GPHN: variants seen among roughly 807,000 people sequenced by gnomAD.
GPHN encodes the protein gephyrin.
Under a neutral mutation model 95.5 loss-of-function variants are expected in GPHN, and 17 were observed. That is an observed-to-expected ratio of 0.18 (90% CI 0.12 to 0.27). GPHN has a LOEUF of 0.27. GPHN is among the 10% of genes least tolerant of loss of function. The pLI is 1.00. For missense variants in GPHN, 660 were observed against 978.1 expected, an observed-to-expected ratio of 0.67 and a Z score of 4.34; for synonymous variants, 320 against 322.5, an observed-to-expected ratio of 0.99 and a Z score of 0.08.
chr14:66,535,671 G>A (rs772215466), intron 1 of GPHN, among the ~76,000 whole-genome samples: 81 of 152,106 alleles, frequency 5.3e-4, no homozygotes, highest in Middle Eastern at 6.8e-3. Context: ...TAGAGGTTTC[G>A]CATATCATTT....
chr14:67,733,823 A>G, the GPHN span: 1 of 1,612,972 alleles, frequency 6.2e-7, no homozygotes, highest in South Asian at 1.1e-5. Context: ...GTCAGCTGTG[A>G]GCTTCTAGGA....
At chr14:66,971,523 A>AAG (rs2069777469) in intron 9 of GPHN, among the ~76,000 whole-genome samples, 1 of 152,214 alleles carries the variant, frequency 6.6e-6, no homozygotes, top group South Asian at 2.1e-4. Context: ...TAAGTCTTGT[A>AAG]ATATGTTGTT....
intron 1 of GPHN, among the ~76,000 whole-genome samples, chr14:66,679,100 G>A (rs932874644): frequency 2.0e-5 from 3 of 152,204 alleles, no homozygotes; most frequent in East Asian, 3.9e-4. Context: ...CCTCAGGCCC[G>A]AAGTCTCCCT....
chr14:66,611,899 C>A (rs2062799095), intron 1 of GPHN, among the ~76,000 whole-genome samples: 1 of 152,104 alleles, frequency 6.6e-6, no homozygotes. Context: ...TAGCTCTTAT[C>A]CTGTCATTAC....
intron 2 of GPHN, among the ~76,000 whole-genome samples, chr14:66,699,393 AT>A (rs1474666479): frequency 6.6e-6 from 1 of 151,950 alleles, no homozygotes; most frequent in African/African-American, 2.4e-5. Flanking sequence ...TTTAAAAATA[AT>A]AAAAGGTAAG....
At chr14:67,661,519 G>C in the GPHN span, among the ~76,000 whole-genome samples, 1 of 136,540 alleles carries the variant, frequency 7.3e-6, no homozygotes, top group South Asian at 2.4e-4. Flanking sequence ...GTTTAACAAA[G>C]AACAGTAACC....
chr14:66,867,412 A>T (rs1350045563), intron 4 of GPHN, among the ~76,000 whole-genome samples: 1 of 152,076 alleles, frequency 6.6e-6, no homozygotes, highest in Admixed American at 6.6e-5. Context: ...CAATAATGTG[A>T]CTCTTACTTC....
At chr14:66,845,978 A>G (rs1380143164) in intron 4 of GPHN, among the ~76,000 whole-genome samples, 1 of 152,194 alleles carries the variant, frequency 6.6e-6, no homozygotes, top group Non-Finnish European at 1.5e-5. Flanking sequence ...ATAAGAATTT[A>G]AAAAGTTAAA....
At chr14:67,452,672 G>A in the GPHN span, among the ~76,000 whole-genome samples, 1 of 152,256 alleles carries the variant, frequency 6.6e-6, no homozygotes, top group South Asian at 2.1e-4. Flanking sequence ...GGCCATCTAG[G>A]TTTGAATCTT....
the GPHN span, among the ~76,000 whole-genome samples, chr14:67,662,175 AC>A: frequency 7.0e-6 from 1 of 142,590 alleles, no homozygotes; most frequent in East Asian, 2.3e-4. Flanking sequence ...AACAACAACA[AC>A]AACAAAAAAA....
the GPHN span, among the ~76,000 whole-genome samples, chr14:67,518,781 G>T: frequency 6.6e-6 from 1 of 152,142 alleles, no homozygotes; most frequent in Non-Finnish European, 1.5e-5. Context: ...GGTTCCCAGG[G>T]GCTGCCCTCT....
intron 1 of GPHN, among the ~76,000 whole-genome samples, chr14:66,580,817 T>G (rs1236974899): frequency 4.0e-5 from 6 of 151,714 alleles, no homozygotes; most frequent in African/African-American, 7.3e-5. Context: ...TCAAACTCAT[T>G]TTAAGAGGCC....
chr14:67,179,508 C>A (rs1020301963), intron 21 of GPHN, 70 bp from the exon 22 acceptor site: 22 of 864,868 alleles, frequency 2.5e-5, no homozygotes, highest in Middle Eastern at 2.7e-4. Flanking sequence ...TTGCACAACC[C>A]CTACTATCTT....
chr14:67,427,375 G>C, the GPHN span, among the ~76,000 whole-genome samples: 1 of 152,202 alleles, frequency 6.6e-6, no homozygotes, highest in Non-Finnish European at 1.5e-5. Context: ...CAAACGGAGA[G>C]GGTATGAGAG....
In GPHN at chr14:66,508,457, G is replaced by A. The variant is rs1048754820; in HGVS notation, c.-71G>A. On this transcript the variant is annotated 5_prime_UTR_variant, in exon 1 of 23. Transcript: ENST00000478722. ...CTGTCGCGCTCTCCTCGGCGAGCGC[G>A]CTCCCGGCCCGCGCGCTCCGGGCTC... 4 of 1,423,138 alleles carry A rather than the reference G, an allele frequency of 2.8e-6. No homozygotes were observed. The highest frequency in any genetic ancestry group is 4.0e-6 in the Non-Finnish European group (4 of 1,006,582). 88.2% of individuals were successfully genotyped at this position (1,423,138 alleles called of 1,614,324 possible).
At chr14:67,443,162 A>G in the GPHN span, among the ~76,000 whole-genome samples, 1 of 152,106 alleles carries the variant, frequency 6.6e-6, no homozygotes, top group African/African-American at 2.4e-5. Flanking sequence ...CAGAGGATAC[A>G]CTGAGCTATG....
chr14:67,313,218 T>C, the GPHN span, among the ~76,000 whole-genome samples: 1 of 152,176 alleles, frequency 6.6e-6, no homozygotes, highest in Non-Finnish European at 1.5e-5. Flanking sequence ...ACATTATAGA[T>C]TAAGATTATT....
the GPHN span, chr14:67,294,363 C>T: frequency 1.3e-5 from 2 of 151,764 alleles, no homozygotes; most frequent in South Asian, 2.1e-4. Flanking sequence ...ATAACAAAAT[C>T]GTAAAGGTTA....
chr14:66,681,719 A>G (rs1409981531), intron 2 of GPHN, among the ~76,000 whole-genome samples: 1 of 152,154 alleles, frequency 6.6e-6, no homozygotes, highest in Non-Finnish European at 1.5e-5. Context: ...TTATTGGCAT[A>G]TCTTTCTAAT....
Sources: allele counts gnomAD v4.1 joint callset (sites outside exome capture counted in the v4.1 genomes callset), GRCh38; gene constraint gnomAD v4.1.1; transcripts MANE v1.5; gene names NCBI Gene and HGNC (gene_info 2026-07-23, HGNC 2026-07-21).